The following SAMD5 variants were observed in gnomAD, a reference collection of about 807,000 sequenced individuals.
The protein encoded by SAMD5 is sterile alpha motif domain containing 5.
Under a neutral mutation model 11.3 loss-of-function variants are expected in SAMD5, and 13 were observed. The ratio of observed to expected loss-of-function variants is 1.15; its 90% CI spans 0.75 to 1.83. SAMD5 has a LOEUF of 1.83. SAMD5 is among the 40% of genes most tolerant of loss of function. SAMD5 has a pLI of 0.00. For synonymous variants in SAMD5, 129 were observed against 111.3 expected (o/e 1.16, Z -1.00); for missense variants, 255 against 239.1 (o/e 1.07, Z -0.44).
intron 1 of SAMD5, among the ~76,000 whole-genome samples, chr6:147,699,643 C>T (rs1395929723): frequency 6.6e-6 from 1 of 152,144 alleles, no homozygotes; most frequent in Non-Finnish European, 1.5e-5. Flanking sequence ...ACGTTTTATT[C>T]ACAGAGGAGA....
At chr6:147,681,771 T>G (rs1790943514) in intron 1 of SAMD5, among the ~76,000 whole-genome samples, 1 of 152,164 alleles carries the variant, frequency 6.6e-6, no homozygotes, top group Admixed American at 6.5e-5. Context: ...CAAACAGTGT[T>G]TATTCTAGGG....
At chr6:147,922,413 C>T in the SAMD5 span, among the ~76,000 whole-genome samples, 1 of 152,142 alleles carries the variant, frequency 6.6e-6, no homozygotes, top group African/African-American at 2.4e-5. Flanking sequence ...GGGAAAAATA[C>T]AGTTCCGGGT....
the SAMD5 span, among the ~76,000 whole-genome samples, chr6:147,760,955 C>T: frequency 6.6e-6 from 1 of 152,110 alleles, no homozygotes; most frequent in Non-Finnish European, 1.5e-5. Flanking sequence ...TCAAATAAAG[C>T]ACAACAATAA....
chr6:147,926,797 A>G, the SAMD5 span, among the ~76,000 whole-genome samples: 10 of 152,184 alleles, frequency 6.6e-5, no homozygotes, highest in South Asian at 2.1e-3. Flanking sequence ...CCAGGTTTTT[A>G]TAGTTTGGAT....
chr6:147,681,590 T>C (rs1298133612), intron 1 of SAMD5, among the ~76,000 whole-genome samples: 3 of 152,212 alleles, frequency 2.0e-5, no homozygotes, highest in African/African-American at 4.8e-5. Context: ...ACATGCCTGG[T>C]AAATATTTTA....
the SAMD5 span, among the ~76,000 whole-genome samples, chr6:147,925,489 A>AT: frequency 7.1e-6 from 1 of 141,728 alleles, no homozygotes; most frequent in Non-Finnish European, 1.5e-5. Context: ...TTAAGAATAG[A>AT]ATTTTTTTTT....
the SAMD5 span, among the ~76,000 whole-genome samples, chr6:147,802,380 A>G: frequency 1.3e-5 from 2 of 150,962 alleles, no homozygotes; most frequent in East Asian, 3.9e-4. Flanking sequence ...AAACACTAGA[A>G]TGGCTAAAAT....
At chr6:147,875,131 A>G in the SAMD5 span, among the ~76,000 whole-genome samples, 1 of 152,328 alleles carries the variant, frequency 6.6e-6, no homozygotes, top group East Asian at 1.9e-4. Flanking sequence ...AAATTCTCTC[A>G]TGATTAGAAA....
At chr6:147,809,747 A>ACCTTG in the SAMD5 span, among the ~76,000 whole-genome samples, 3 of 152,152 alleles carry the variant, frequency 2.0e-5, no homozygotes, top group Admixed American at 6.5e-5. Flanking sequence ...GAGTTTCTTA[A>ACCTTG]CCTTGCCACT....
chr6:147,670,257 G>A (rs1484920078), intron 1 of SAMD5, among the ~76,000 whole-genome samples: 1 of 152,168 alleles, frequency 6.6e-6, no homozygotes, highest in African/African-American at 2.4e-5. Flanking sequence ...TTGTTAGGCA[G>A]GCTTTGTTGT....
chr6:147,593,692 A>G (rs1016212454), intron 1 of SAMD5, among the ~76,000 whole-genome samples: 1 of 152,146 alleles, frequency 6.6e-6, no homozygotes, highest in Admixed American at 6.5e-5. Flanking sequence ...GCATGCATCA[A>G]AGTTAGACTC....
At chr6:147,864,471 C>G in the SAMD5 span, among the ~76,000 whole-genome samples, 1 of 152,172 alleles carries the variant, frequency 6.6e-6, no homozygotes, top group Non-Finnish European at 1.5e-5. Context: ...ACAGTAACAT[C>G]CCAGAAAGGT....
the SAMD5 span, among the ~76,000 whole-genome samples, chr6:147,917,469 A>G: frequency 6.6e-6 from 1 of 152,068 alleles, no homozygotes; most frequent in Admixed American, 6.6e-5. Flanking sequence ...CCTTTGTCAG[A>G]TAAGTAGGTT....
In SAMD5 at chr6:147,568,592, A is replaced by G. The variant is rs1789081608; in HGVS notation, c.*4136A>G. 7.1e-6 allele frequency: 7 copies of G among 985,264 alleles called. No homozygotes were observed. Among genetic ancestry groups the G allele is most frequent in the Non-Finnish European group, 8.4e-6 (7 of 829,882 alleles). The allele number at this position is 985,264 out of a possible 1,614,324, so 61.0% of individuals were successfully genotyped here. Reference sequence around the variant, plus strand: ...GTACAAAGTATTAGGAATTTTTTATATCAGCTGACATCTTGTGCTTACAGT... The same window carrying G: ...GTACAAAGTATTAGGAATTTTTTATGTCAGCTGACATCTTGTGCTTACAGT... On this transcript the variant is annotated 3_prime_UTR_variant, in exon 2 of 2. Transcript: ENST00000367474.
At chr6:147,735,059 G>A (rs992444990) in intron 1 of SAMD5, among the ~76,000 whole-genome samples, 5 of 152,154 alleles carry the variant, frequency 3.3e-5, no homozygotes, top group African/African-American at 9.7e-5. Context: ...ATTGATGAGA[G>A]GAGTAATGTA....
At chr6:147,561,015 G>C (rs1285166367) in intron 1 of SAMD5, among the ~76,000 whole-genome samples, 1 of 152,140 alleles carries the variant, frequency 6.6e-6, no homozygotes, top group East Asian at 1.9e-4. Flanking sequence ...TTTTAGCAAT[G>C]TTTTCCTAGA....
intron 1 of SAMD5, among the ~76,000 whole-genome samples, chr6:147,610,612 C>T (rs1789769172): frequency 6.6e-6 from 1 of 152,200 alleles, no homozygotes; most frequent in Non-Finnish European, 1.5e-5. Flanking sequence ...AAATTGCCCA[C>T]TAGTTCTTTT....
intron 1 of SAMD5, among the ~76,000 whole-genome samples, chr6:147,510,373 G>A (rs975302788): frequency 1.2e-4 from 18 of 152,226 alleles, no homozygotes; most frequent in Non-Finnish European, 2.6e-4. Context: ...TGACTTGATA[G>A]AGAAGTAGAC....
chr6:147,525,257 G>C (rs894963878), intron 1 of SAMD5, among the ~76,000 whole-genome samples: 5 of 148,022 alleles, frequency 3.4e-5, no homozygotes, highest in African/African-American at 1.3e-4. Flanking sequence ...AGGAGGAGTA[G>C]CTGTGGGGAC....
Sources: gnomAD v4.1 joint callset for allele counts (sites outside exome capture counted in the v4.1 genomes callset) on GRCh38, gnomAD v4.1.1 for gene constraint, MANE v1.5 for transcripts, NCBI Gene and HGNC (gene_info 2026-07-23, HGNC 2026-07-21) for gene names.